The following SEMA5A variants were observed in gnomAD, a reference collection of about 807,000 sequenced individuals.
The protein encoded by SEMA5A is semaphorin-5A.
A neutral mutation model predicts 135.5 loss-of-function variants in SEMA5A; 55 were observed. The observed-to-expected ratio is 0.41, with a 90% CI of 0.33 to 0.51. The LOEUF is 0.51. SEMA5A is among the 20% of genes least tolerant of loss of function. The probability of loss-of-function intolerance (pLI) is 0.37; values close to 1 mark genes in which losing one functional copy is unlikely to be tolerated. For missense variants in SEMA5A, 1,290 were observed against 1,419.9 expected (o/e 0.91, Z 1.47); for synonymous variants, 580 against 546.5 (o/e 1.06, Z -0.85).
intron 1 of SEMA5A, chr5:9,522,654 C>T (rs185693555): frequency 6.6e-6 from 1 of 152,184 alleles, no homozygotes; most frequent in African/African-American, 2.4e-5. Context: ...ACTCCACGCC[C>T]TCCAAAATGA....
intron 1 of SEMA5A, chr5:9,520,043 CAA>C (rs1320747166): frequency 6.6e-6 from 1 of 152,182 alleles, no homozygotes; most frequent in Non-Finnish European, 1.5e-5. Context: ...TGGGAAAAGC[CAA>C]AGAGAGCCAA....
intron 2 of SEMA5A, among the ~76,000 whole-genome samples, chr5:9,423,665 C>T (rs1757549223): frequency 3.9e-5 from 6 of 152,228 alleles, no homozygotes; most frequent in Admixed American, 6.5e-5. Context: ...ACTCTGGTGA[C>T]ATCCTGAGCT....
chr5:9,106,389 A>C (rs1552002), intron 16 of SEMA5A, among the ~76,000 whole-genome samples: 17,466 of 152,204 alleles, frequency 0.11, 1,541 homozygotes, highest in East Asian at 0.32. Context: ...GAACTACATA[A>C]AAATGCTACA....
intron 21 of SEMA5A, among the ~76,000 whole-genome samples, chr5:9,046,469 G>T (rs1421871793): frequency 3.3e-5 from 5 of 152,162 alleles, no homozygotes; most frequent in Admixed American, 6.5e-5. Flanking sequence ...CTGCCAATGC[G>T]GACCCACGGG....
rs573330909 is a variant in SEMA5A at position 9,158,103 on chromosome 5, T to C, written c.1274-3408A>G. ...TAGATGTTTCATGAATATATTCTGC[T>C]GAAAGACTGAACAAATGAGTGAGGG... On this transcript the variant is annotated intron_variant, in intron 11 of 22. Coordinates refer to ENST00000382496, the MANE Select transcript of SEMA5A (RefSeq NM_003966.3). Among the ~76,000 whole-genome samples the C allele has an allele frequency of 8.5e-5, 13 of 152,316 alleles. No individual in the cohort carries two copies. The East Asian group carries it at 2.3e-3, about 27-fold the overall frequency.
chr5:9,245,462 T>C (rs1417218128), intron 5 of SEMA5A, among the ~76,000 whole-genome samples: 2 of 152,208 alleles, frequency 1.3e-5, no homozygotes, highest in African/African-American at 4.8e-5. Context: ...AAGTGACTGC[T>C]GAGTCATAAC....
chr5:9,148,230 A>G (rs1322499599), intron 12 of SEMA5A, among the ~76,000 whole-genome samples: 1 of 152,236 alleles, frequency 6.6e-6, no homozygotes, highest in East Asian at 1.9e-4. Flanking sequence ...TGAAATACCT[A>G]ATTTTCTAAA....
intron 11 of SEMA5A, among the ~76,000 whole-genome samples, chr5:9,183,091 G>A (rs1231303659): frequency 6.6e-6 from 1 of 152,118 alleles, no homozygotes. Context: ...CAAGTATTTG[G>A]TGCTAATGCA....
chr5:9,081,109 C>T (rs544499869), intron 16 of SEMA5A, among the ~76,000 whole-genome samples: 217 of 152,240 alleles, frequency 1.4e-3, no homozygotes, highest in African/African-American at 4.6e-3. Flanking sequence ...GAGCAGAGAA[C>T]GCCACCCTCT....
intron 1 of SEMA5A, among the ~76,000 whole-genome samples, chr5:9,441,092 G>T (rs547268916): frequency 6.6e-6 from 1 of 152,170 alleles, no homozygotes; most frequent in Non-Finnish European, 1.5e-5. Context: ...CAGTCCCTCC[G>T]TTAATCACCA....
At chr5:9,378,491 G>A (rs879658207) in intron 3 of SEMA5A, among the ~76,000 whole-genome samples, 1 of 152,138 alleles carries the variant, frequency 6.6e-6, no homozygotes, top group Non-Finnish European at 1.5e-5. Context: ...ACACGGTCAA[G>A]ACAAAAAGAT....
At chr5:9,067,313 C>T (rs528960597) in intron 16 of SEMA5A, among the ~76,000 whole-genome samples, 8 of 152,162 alleles carry the variant, frequency 5.3e-5, no homozygotes, top group South Asian at 4.2e-4. Context: ...AGGTCTGGCA[C>T]GTGGAGATGA....
At chr5:9,421,534 T>C (rs1227413539) in intron 2 of SEMA5A, among the ~76,000 whole-genome samples, 2 of 152,234 alleles carry the variant, frequency 1.3e-5, no homozygotes, top group Non-Finnish European at 2.9e-5. Context: ...CTTTGTATAG[T>C]ACATATTCCC....
chr5:9,256,311 T>C (rs1293325464), intron 5 of SEMA5A, among the ~76,000 whole-genome samples: 1 of 152,176 alleles, frequency 6.6e-6, no homozygotes, highest in Non-Finnish European at 1.5e-5. Flanking sequence ...TCTGACCCCG[T>C]GTGTCACCAT....
intron 1 of SEMA5A, among the ~76,000 whole-genome samples, chr5:9,541,585 T>C (rs1376954738): frequency 6.6e-6 from 1 of 152,254 alleles, no homozygotes. Flanking sequence ...CAGAATGATT[T>C]TCTTTTTTCC....
intron 21 of SEMA5A, among the ~76,000 whole-genome samples, chr5:9,048,714 A>G (rs1736402939): frequency 6.6e-6 from 1 of 152,222 alleles, no homozygotes; most frequent in African/African-American, 2.4e-5. Flanking sequence ...TGGTGCCTAC[A>G]TCAATGCTCC....
chr5:9,402,628 T>A (rs949020271), intron 2 of SEMA5A, among the ~76,000 whole-genome samples: 4 of 152,216 alleles, frequency 2.6e-5, no homozygotes, highest in African/African-American at 9.7e-5. Context: ...CATCTACTCA[T>A]CAAGGTTTTG....
chr5:9,190,473 T>C lies in SEMA5A; in HGVS notation c.1069-2A>G, dbSNP rs1474214923. ...CAGGCCCTGGTCCACGGTGCCACAC[T>C]GAAAGGGAAGACGGGCCAGGTTACC... On this transcript the variant is annotated splice_acceptor_variant, in intron 10 of 22. Coordinates refer to ENST00000382496, the MANE Select transcript of SEMA5A (RefSeq NM_003966.3). LOFTEE classifies it high-confidence loss of function. 2 of 1,612,658 alleles carry C rather than the reference T, an allele frequency of 1.2e-6. No individual in the cohort carries two copies. Among genetic ancestry groups the C allele is most frequent in the Non-Finnish European group, 1.7e-6 (2 of 1,179,764 alleles).
At chr5:9,347,839 T>G (rs1253945778) in intron 3 of SEMA5A, among the ~76,000 whole-genome samples, 1 of 152,190 alleles carries the variant, frequency 6.6e-6, no homozygotes, top group Non-Finnish European at 1.5e-5. Flanking sequence ...TAAACATATT[T>G]TTCCTTGGTA....
Sources: allele counts gnomAD v4.1 joint callset (sites outside exome capture counted in the v4.1 genomes callset), GRCh38; gene constraint gnomAD v4.1.1; transcripts MANE v1.5; gene names NCBI Gene and HGNC (gene_info 2026-07-23, HGNC 2026-07-21).